Variants in FKBP5 observed in about 807,000 individuals in gnomAD.
FKBP5 encodes the protein peptidyl-prolyl cis-trans isomerase FKBP5.
FKBP5 carries 23 observed loss-of-function variants against 50.5 expected under a neutral mutation model. The observed-to-expected ratio is 0.46, with a 90% CI of 0.33 to 0.65. The LOEUF is 0.65. Among genes scored for constraint, FKBP5 ranks in the 30% least tolerant of loss-of-function variants. FKBP5 has a pLI of 0.02. For missense variants in FKBP5, 411 were observed against 553.1 expected (o/e 0.74, Z 2.58); for synonymous variants, 176 against 190.6 (o/e 0.92, Z 0.63).
intron 1 of FKBP5, among the ~76,000 whole-genome samples, chr6:35,683,090 A>C (rs1315297775): frequency 6.6e-6 from 1 of 150,956 alleles, no homozygotes; most frequent in Non-Finnish European, 1.5e-5. Context: ...TTCTTTAAAA[A>C]AAAAAGTGTG....
chr6:35,586,174 G>C (rs1269790520), intron 8 of FKBP5: 1 of 984,788 alleles, frequency 1.0e-6, no homozygotes, highest in Non-Finnish European at 1.2e-6. Context: ...GGGTGGGGAA[G>C]CAATGGGTAG....
chr6:35,582,114 G>A, intron 8 of FKBP5: 1 of 985,318 alleles, frequency 1.0e-6, no homozygotes, highest in Non-Finnish European at 1.2e-6. Flanking sequence ...TGTGAATGAG[G>A]GCCAGGCTAC....
rs1430977661 is a variant in FKBP5 at position 35,619,091 on chromosome 6, C to T, written c.508+5G>A. On this transcript the variant is annotated splice_donor_5th_base_variant and intron_variant, in intron 5 of 10. Coordinates refer to ENST00000357266, the MANE Select transcript of FKBP5 (RefSeq NM_004117.4). ...GGACTAGTTCCCTCTTACTTTAATA[C>T]TTACTTTCTACTGTTGCTCCTTCGT... The T allele has an allele frequency of 6.2e-7, 1 of 1,600,048 alleles. No homozygotes were observed.
intron 8 of FKBP5, 119 bp downstream of exon 8, chr6:35,586,915 T>C: frequency 6.5e-7 from 1 of 1,540,394 alleles, no homozygotes; most frequent in South Asian, 1.2e-5. Context: ...TTTATAAAAA[T>C]TGCAGCTTAT....
chr6:35,685,385 T>C (rs563770866), intron 1 of FKBP5, among the ~76,000 whole-genome samples: 2 of 152,350 alleles, frequency 1.3e-5, no homozygotes, highest in East Asian at 3.9e-4. Context: ...TGAATGTAGA[T>C]TTAATTTTCT....
intron 2 of FKBP5, among the ~76,000 whole-genome samples, chr6:35,714,327 C>G (rs1766474056): frequency 7.3e-6 from 1 of 136,796 alleles, no homozygotes; most frequent in African/African-American, 2.8e-5. Context: ...TGGCATGTGC[C>G]TGTAATCCCA....
At chr6:35,644,855 A>G (rs1190357231) in intron 1 of FKBP5, among the ~76,000 whole-genome samples, 1 of 152,194 alleles carries the variant, frequency 6.6e-6, no homozygotes, top group African/African-American at 2.4e-5. Context: ...TGCCTGGGAA[A>G]ATATATGCAC....
At chr6:35,603,222 G>C (rs1763201343) in intron 5 of FKBP5, among the ~76,000 whole-genome samples, 1 of 152,192 alleles carries the variant, frequency 6.6e-6, no homozygotes, top group Non-Finnish European at 1.5e-5. Flanking sequence ...TGGATATACA[G>C]AGACAAACTA....
At chr6:35,579,596 CAT>C (rs981827556) in intron 9 of FKBP5, among the ~76,000 whole-genome samples, 14 of 152,086 alleles carry the variant, frequency 9.2e-5, no homozygotes, top group African/African-American at 3.1e-4. Context: ...ATTATTTATG[CAT>C]ATCAGTGAAT....
At chr6:35,582,658 T>G in intron 8 of FKBP5, 2 of 985,278 alleles carry the variant, frequency 2.0e-6, no homozygotes, top group Non-Finnish European at 2.4e-6. Flanking sequence ...GGTATTTTAC[T>G]GTGGCAGCCC....
chr6:35,627,494 GTTGT>G (rs1469996094), intron 3 of FKBP5, among the ~76,000 whole-genome samples: 1 of 152,090 alleles, frequency 6.6e-6, no homozygotes, highest in Non-Finnish European at 1.5e-5. Flanking sequence ...AGTTATAGGA[GTTGT>G]TTGTGTATTC....
intron 1 of FKBP5, among the ~76,000 whole-genome samples, chr6:35,643,391 T>C (rs531845420): frequency 6.6e-6 from 1 of 152,338 alleles, no homozygotes; most frequent in South Asian, 2.1e-4. Flanking sequence ...TACAGTGAGA[T>C]AACATTTCTT....
intron 1 of FKBP5, 80 bp from the exon 2 acceptor site, chr6:35,642,923 A>C: frequency 1.0e-6 from 1 of 987,048 alleles, no homozygotes; most frequent in Non-Finnish European, 1.5e-6. Context: ...ACTGAGCTCT[A>C]CCTAACCTAA....
At chr6:35,587,634 T>A (rs996448408) in intron 7 of FKBP5, among the ~76,000 whole-genome samples, 2 of 152,222 alleles carry the variant, frequency 1.3e-5, no homozygotes, top group African/African-American at 4.8e-5. Flanking sequence ...ACTGCTAAAT[T>A]GTATCAACTT....
At chr6:35,600,385 T>A (rs1763109226) in intron 5 of FKBP5, among the ~76,000 whole-genome samples, 1 of 151,828 alleles carries the variant, frequency 6.6e-6, no homozygotes, top group South Asian at 2.1e-4. Flanking sequence ...GGCACTGTAA[T>A]CTAGCCTGGG....
chr6:35,658,194 G>T (rs1334026164), intron 1 of FKBP5, among the ~76,000 whole-genome samples: 1 of 152,060 alleles, frequency 6.6e-6, no homozygotes, highest in Non-Finnish European at 1.5e-5. Context: ...GGCTAACACG[G>T]TGAAACCCCA....
In FKBP5 at chr6:35,577,238, G is replaced by A. The variant is rs200398524; in HGVS notation, c.1027-5C>T. On this transcript the variant is annotated splice_region_variant and splice_polypyrimidine_tract_variant and intron_variant, in intron 9 of 10. Coordinates refer to ENST00000357266, the MANE Select transcript of FKBP5 (RefSeq NM_004117.4). ...GGCACTGTCCAGTCCAAGGGCCTAG[G>A]AATAGATGGTCTATATTTTAGAAAG... 163 of 1,562,084 alleles carry A rather than the reference G, an allele frequency of 1.0e-4. No homozygotes were observed. Among genetic ancestry groups the A allele is most frequent in the Non-Finnish European group, 1.1e-4 (122 of 1,154,576 alleles).
At chr6:35,579,164 A>ACTCT (rs111398353) in intron 9 of FKBP5, among the ~76,000 whole-genome samples, 89 of 148,118 alleles carry the variant, frequency 6.0e-4, no homozygotes, top group African/African-American at 2.0e-3. Context: ...GCGCGCACAC[A>ACTCT]CTCTCTCTCT....
rs749202615 is a variant in FKBP5 at position 35,580,033 on chromosome 6, T to C, written c.1026+3A>G. Reference sequence around the variant, plus strand: ...GTCCATCTCACAGGAGACACGATGTTACCTTGTCACAGCATTCAACAGCTT... The same window carrying C: ...GTCCATCTCACAGGAGACACGATGTCACCTTGTCACAGCATTCAACAGCTT... On this transcript the variant is annotated splice_donor_region_variant and intron_variant, in intron 9 of 10. Coordinates refer to ENST00000357266, the MANE Select transcript of FKBP5 (RefSeq NM_004117.4). 4 of 1,611,694 alleles carry C rather than the reference T, an allele frequency of 2.5e-6. No individual in the cohort carries two copies. The East Asian group carries it at 8.9e-5, about 36-fold the overall frequency.
Sources: gnomAD v4.1 joint callset for allele counts (sites outside exome capture counted in the v4.1 genomes callset) on GRCh38, gnomAD v4.1.1 for gene constraint, MANE v1.5 for transcripts, NCBI Gene and HGNC (gene_info 2026-07-23, HGNC 2026-07-21) for gene names.